The following TSPYL5 variants were observed in gnomAD, a reference collection of about 807,000 sequenced individuals.
TSPYL5 encodes the protein TSPY like 5.
For missense variants in TSPYL5, 556 were observed against 555.5 expected, an observed-to-expected ratio of 1.00 and a Z score of -0.01; for synonymous variants, 276 against 236.1, an observed-to-expected ratio of 1.17 and a Z score of -1.55.
Position 97,277,223 on chromosome 8 carries a change from C to G in TSPYL5, c.622G>C (p.Val208Leu), listed in dbSNP as rs1810537525. 2 of 1,613,514 alleles carry G rather than the reference C, an allele frequency of 1.2e-6. No individual in the cohort carries two copies. The highest frequency in any genetic ancestry group is 1.3e-5 in the African/African-American group (1 of 74,906). Residue 208 changes from valine (V) to leucine (L), a missense_variant, in exon 1 of 1, where the codon GTG becomes CTG. Physicochemically the swap from Val to Leu is conservative, Grantham distance 32 (BLOSUM62 1). Transcript: ENST00000322128. This position sits in a 1 kb window ranked among gnomAD's most constrained non-coding sequence, Gnocchi z 4.5. ...TTCATGTTCTCCAGCTTCAGCTGCA[C>G]GTTCTCCAGCGTATCCATGCTGCCT... ...TEGSMDTLENVQLKLENMNAQ... is the reference protein window; with the variant it reads ...TEGSMDTLENLQLKLENMNAQ...
Position 97,275,457 on chromosome 8 carries a change from G to C in TSPYL5, c.*1134C>G, listed in dbSNP as rs1215153078. On this transcript the variant is annotated 3_prime_UTR_variant, in exon 1 of 1. Coordinates refer to ENST00000322128, the MANE Select transcript of TSPYL5 (RefSeq NM_033512.3). ...GAAGAATGAGAGGGAGGAAATGAGG[G>C]ATGAAGGCAGGCAAGCAAAATAAGA... 1 of 152,144 alleles carries C rather than the reference G, an allele frequency of 6.6e-6. No homozygotes were observed. The highest frequency in any genetic ancestry group is 1.5e-5 in the Non-Finnish European group (1 of 68,036). The allele number at this position is 152,144 out of a possible 1,614,324, so 9.4% of individuals were successfully genotyped here.
At position 97,273,583 on chromosome 8, in the gene TSPYL5, G is replaced by A. The variant is rs1810463595; in HGVS notation, c.*3008C>T. 6.6e-6 allele frequency: 1 copy of A among 152,478 alleles called. No individual in the cohort carries two copies. The highest frequency in any genetic ancestry group is 2.4e-5 in the African/African-American group (1 of 41,384). 9.4% of individuals were successfully genotyped at this position (152,478 alleles called of 1,614,324 possible). ...ACAGAAATAATTGCGTTATTAACAG[G>A]GTGTCAAATTACCAAGTAGAACAAC... On this transcript the variant is annotated 3_prime_UTR_variant, in exon 1 of 1. Coordinates refer to ENST00000322128, the MANE Select transcript of TSPYL5 (RefSeq NM_033512.3).
Position 97,277,176 on chromosome 8 carries a change from G to A in TSPYL5, c.669C>T (p.Tyr223=), listed in dbSNP as rs760876149. Residue 223 remains tyrosine (Y), a synonymous_variant, in exon 1 of 1, where the codon TAC becomes TAT. Coordinates refer to ENST00000322128, the MANE Select transcript of TSPYL5 (RefSeq NM_033512.3). The surrounding 1 kb of genome is among the most constrained non-coding windows in gnomAD (Gnocchi z 4.5). ...ENMNAQADRA[Y]LRLSRKFGQL... is the part of the protein sequence containing the mutation. ...GCCCAAACTTCCTGGAGAGCCGAAG[G>A]TAGGCCCTGTCCGCCTGGGCGTTCA... The A allele has an allele frequency of 3.1e-6, 5 of 1,611,982 alleles. No individual in the cohort carries two copies. In the African/African-American group the frequency reaches 5.3e-5, roughly 17 times the overall value.
In TSPYL5 at chr8:97,277,814, A is replaced by G. The variant is rs1810558785; in HGVS notation, c.31T>C (p.Ser11Pro). 1 of 1,471,326 alleles carries G rather than the reference A, an allele frequency of 6.8e-7. No individual in the cohort carries two copies. Among genetic ancestry groups the G allele is most frequent in the Non-Finnish European group, 9.0e-7 (1 of 1,115,706 alleles). The allele number at this position is 1,471,326 out of a possible 1,614,324, so 91.1% of individuals were successfully genotyped here. A position where few individuals can be genotyped will look rare whatever the true frequency, so the allele number is the denominator to read the frequency against. Reference sequence around the variant, plus strand: ...CCTTTGCCCCGGTTTTTGGCGCGGGAGGACTTTCGACCCCGACTTCGGCCG... The same window carrying G: ...CCTTTGCCCCGGTTTTTGGCGCGGGGGGACTTTCGACCCCGACTTCGGCCG... MSGRSRGRKS[S>P]RAKNRGKGRA... The change falls in exon 1 of 1, where the codon TCC becomes CCC. Residue 11 changes from serine (S) to proline (P), a missense_variant. By Grantham distance (74) the Ser-to-Pro change is moderately conservative. Coordinates refer to ENST00000322128, the MANE Select transcript of TSPYL5 (RefSeq NM_033512.3). This position sits in a 1 kb window ranked among gnomAD's most constrained non-coding sequence, Gnocchi z 4.5.
In TSPYL5 at chr8:97,273,716, C is replaced by A. The variant is rs2130733521; in HGVS notation, c.*2875G>T. 6.5e-6 allele frequency: 1 copy of A among 152,690 alleles called. No homozygotes were observed. Among genetic ancestry groups the A allele is most frequent in the Admixed American group, 6.5e-5 (1 of 15,300 alleles). 9.5% of individuals were successfully genotyped at this position (152,690 alleles called of 1,614,324 possible). A position where few individuals can be genotyped will look rare whatever the true frequency, so the allele number is the denominator to read the frequency against. The stretch of plus-strand genomic sequence containing the variant: ...AGACCAGTACAAGCTGATAACAATG[C>A]TAATGGTCACACAAGTTTCCATGTT... On this transcript the variant is annotated 3_prime_UTR_variant, in exon 1 of 1. Coordinates refer to ENST00000322128, the MANE Select transcript of TSPYL5 (RefSeq NM_033512.3).
In TSPYL5 at chr8:97,276,526, G is replaced by A. The variant is rs1810518099; in HGVS notation, c.*65C>T. ...CAGAGGCCAACATGAAGAGAAGGCAGAGAGCCAAATATGTAGTCAACCAGG... is the reference window on the plus strand; with the variant it reads ...CAGAGGCCAACATGAAGAGAAGGCAAAGAGCCAAATATGTAGTCAACCAGG... On this transcript the variant is annotated 3_prime_UTR_variant, in exon 1 of 1. Coordinates refer to ENST00000322128, the MANE Select transcript of TSPYL5 (RefSeq NM_033512.3). 1.9e-6 allele frequency: 3 copies of A among 1,550,904 alleles called. No individual in the cohort carries two copies. The highest frequency in any genetic ancestry group is 2.0e-5 in the Admixed American group (1 of 50,782).
In TSPYL5 at chr8:97,275,973, T is replaced by C. The variant is rs1810506257; in HGVS notation, c.*618A>G. ...ATACTGTTTCTTGCCCTTAACTTCATGCATGCCCAGCAGTCAAGTGCCATT... is the reference window on the plus strand; with the variant it reads ...ATACTGTTTCTTGCCCTTAACTTCACGCATGCCCAGCAGTCAAGTGCCATT... On this transcript the variant is annotated 3_prime_UTR_variant, in exon 1 of 1. Transcript: ENST00000322128. 1 of 153,118 alleles carries C rather than the reference T, an allele frequency of 6.5e-6. No individual in the cohort carries two copies. Among genetic ancestry groups the C allele is most frequent in the Admixed American group, 6.5e-5 (1 of 15,364 alleles). The allele number at this position is 153,118 out of a possible 1,614,324, so 9.5% of individuals were successfully genotyped here. A position where few individuals can be genotyped will look rare whatever the true frequency, so the allele number is the denominator to read the frequency against.
Position 97,274,338 on chromosome 8 carries a change from ATTC to A in TSPYL5, c.*2250_*2252del, listed in dbSNP as rs1219748581. On this transcript the variant is annotated 3_prime_UTR_variant, in exon 1 of 1. Coordinates refer to ENST00000322128, the MANE Select transcript of TSPYL5 (RefSeq NM_033512.3). ...AAAGGCAAAATGTGCAGCATATAGC[ATTC>A]TTCTGCATGTACAAAGCCACACCTA... 6.6e-6 allele frequency: 1 copy of A among 152,238 alleles called. No homozygotes were observed. The highest frequency in any genetic ancestry group is 1.9e-4 in the East Asian group (1 of 5,202). 9.4% of individuals were successfully genotyped at this position (152,238 alleles called of 1,614,324 possible).
chr8:97,276,653 T>C lies in TSPYL5; in HGVS notation c.1192A>G (p.Arg398Gly). 2 of 1,614,232 alleles carry C rather than the reference T, an allele frequency of 1.2e-6. No individual in the cohort carries two copies. The highest frequency in any genetic ancestry group is 1.7e-6 in the Non-Finnish European group (2 of 1,180,034). Residue 398 changes from arginine (R) to glycine (G), a missense_variant, in exon 1 of 1, where the codon AGG becomes GGG. Arg to Gly is a moderately radical substitution (Grantham distance 125). Coordinates refer to ENST00000322128, the MANE Select transcript of TSPYL5 (RefSeq NM_033512.3). ...ATTGGCTGCTTTCCTGGACCTTGCC[T>C]GCCTTCTTTTTCCTTTCCTTTCTCT... The part of the protein sequence containing the change: ...RVEKGKEKEG[R>G]QGPGKQPMET...
rs1323086893 is a variant in TSPYL5, at chr8:97,276,478, A to C, written c.*113T>G. On this transcript the variant is annotated 3_prime_UTR_variant, in exon 1 of 1. Transcript: ENST00000322128. ...CATAAATGCCATATTCTTGTAACTA[A>C]AGTCCAAAGGGTCTATAGTACACAG... 11 of 1,314,524 alleles carry C rather than the reference A, an allele frequency of 8.4e-6. No homozygotes were observed. The highest frequency in any genetic ancestry group is 1.5e-5 in the African/African-American group (1 of 67,598). The allele number at this position is 1,314,524 out of a possible 1,614,324, so 81.4% of individuals were successfully genotyped here.
chr8:97,273,938 CATTA>C lies in TSPYL5; in HGVS notation c.*2649_*2652del, dbSNP rs1201569956. 1 of 152,190 alleles carries C rather than the reference CATTA, an allele frequency of 6.6e-6. No homozygotes were observed. Among genetic ancestry groups the C allele is most frequent in the Non-Finnish European group, 1.5e-5 (1 of 68,020 alleles). The allele number at this position is 152,190 out of a possible 1,614,324, so 9.4% of individuals were successfully genotyped here. On this transcript the variant is annotated 3_prime_UTR_variant, in exon 1 of 1. Transcript: ENST00000322128. Reference sequence around the variant, plus strand: ...TTTCTAAGGCCCATCTCTGGAACTTCATTAGTTAACATTAAAAGCAAAAAGCAGA... The same window carrying C: ...TTTCTAAGGCCCATCTCTGGAACTTCGTTAACATTAAAAGCAAAAAGCAGA...
At position 97,274,303 on chromosome 8, in the gene TSPYL5, G is replaced by GTA. The variant is rs1810477052; in HGVS notation, c.*2286_*2287dup. On this transcript the variant is annotated 3_prime_UTR_variant, in exon 1 of 1. Transcript: ENST00000322128. ...CCATTAGACTAAAATGGGGAAAGTCGTAAGACTTTAAAGGCAAAATGTGCA... is the reference window on the plus strand; with the variant it reads ...CCATTAGACTAAAATGGGGAAAGTCGTATAAGACTTTAAAGGCAAAATGTGCA... 6.6e-6 allele frequency: 1 copy of GTA among 151,908 alleles called. No individual in the cohort carries two copies. The highest frequency in any genetic ancestry group is 2.4e-5 in the African/African-American group (1 of 41,354). The allele number at this position is 151,908 out of a possible 1,614,324, so 9.4% of individuals were successfully genotyped here.
Position 97,273,839 on chromosome 8 carries a change from G to A in TSPYL5, c.*2752C>T, listed in dbSNP as rs1292647652. 6.6e-6 allele frequency: 1 copy of A among 152,164 alleles called. No homozygotes were observed. Among genetic ancestry groups the A allele is most frequent in the East Asian group, 1.9e-4 (1 of 5,198 alleles). 9.4% of individuals were successfully genotyped at this position (152,164 alleles called of 1,614,324 possible). ...TTTACAACAGAACAGTCTCTCTCTTGTTTTGTAGATGCAAGGGAAAGGAAG... is the reference window on the plus strand; with the variant it reads ...TTTACAACAGAACAGTCTCTCTCTTATTTTGTAGATGCAAGGGAAAGGAAG... On this transcript the variant is annotated 3_prime_UTR_variant, in exon 1 of 1. Transcript: ENST00000322128.
chr8:97,277,575 C>A lies in TSPYL5; in HGVS notation c.270G>T (p.Arg90=). 1.4e-6 allele frequency: 2 copies of A among 1,463,188 alleles called. No homozygotes were observed. Among genetic ancestry groups the A allele is most frequent in the East Asian group, 5.2e-5 (2 of 38,240 alleles). 90.6% of individuals were successfully genotyped at this position (1,463,188 alleles called of 1,614,324 possible). Residue 90 remains arginine (R), a synonymous_variant, in exon 1 of 1, where the codon CGG becomes CGT. Transcript: ENST00000322128. The surrounding 1 kb of genome is among the most constrained non-coding windows in gnomAD (Gnocchi z 4.5). ...RLPLDCGLAL[R]ARAAGDHGQA... is the part of the protein sequence containing the mutation. ...GCCCGTGGTCCCCCGCAGCTCGGGCCCGCAGCGCGAGGCCACAGTCCAGGG... is the reference window on the plus strand; with the variant it reads ...GCCCGTGGTCCCCCGCAGCTCGGGCACGCAGCGCGAGGCCACAGTCCAGGG...
Position 97,277,770 on chromosome 8 carries a change from G to C in TSPYL5, c.75C>G (p.Val25=). The change falls in exon 1 of 1, where the codon GTC becomes GTG. Residue 25 remains valine (V), a synonymous_variant. Coordinates refer to ENST00000322128, the MANE Select transcript of TSPYL5 (RefSeq NM_033512.3). The surrounding 1 kb of genome is among the most constrained non-coding windows in gnomAD (Gnocchi z 4.5). ...NRGKGRAKAR[V]RPAPDDAPRD... ...GCGGGGCGTCGTCCGGAGCAGGGCG[G>C]ACTCGGGCTTTGGCGCGGCCTTTGC... is the stretch of plus-strand genomic sequence containing the variant. 6.6e-7 allele frequency: 1 copy of C among 1,524,584 alleles called. No homozygotes were observed. Among genetic ancestry groups the C allele is most frequent in the Non-Finnish European group, 8.8e-7 (1 of 1,140,804 alleles). 94.4% of individuals were successfully genotyped at this position (1,524,584 alleles called of 1,614,324 possible).
chr8:97,277,635 G>A lies in TSPYL5; in HGVS notation c.210C>T (p.Leu70=), dbSNP rs746850171. Residue 70 remains leucine (L), a synonymous_variant, in exon 1 of 1, where the codon CTC becomes CTT. Coordinates refer to ENST00000322128, the MANE Select transcript of TSPYL5 (RefSeq NM_033512.3). This position sits in a 1 kb window ranked among gnomAD's most constrained non-coding sequence, Gnocchi z 4.5. ...AGGCGGCCTCCTCCCCGAGCCGGAG[G>A]AGCTGCGCGGACGCAGCGGCTTCCA... ...GGLEAAASAQ[L]LRLGEEAACR... 6.9e-6 allele frequency: 10 copies of A among 1,452,196 alleles called. No homozygotes were observed. In the African/African-American group the frequency reaches 1.3e-4, roughly 19 times the overall value. 90.0% of individuals were successfully genotyped at this position (1,452,196 alleles called of 1,614,324 possible).
Position 97,277,833 on chromosome 8 carries a change from T to C in TSPYL5, c.12A>G (p.Arg4=), listed in dbSNP as rs1382159025. 6.9e-7 allele frequency: 1 copy of C among 1,449,270 alleles called. No homozygotes were observed. Among genetic ancestry groups the C allele is most frequent in the African/African-American group, 1.5e-5 (1 of 67,818 alleles). 89.8% of individuals were successfully genotyped at this position (1,449,270 alleles called of 1,614,324 possible). The change falls in exon 1 of 1, where the codon CGA becomes CGG. Residue 4 remains arginine (R), a synonymous_variant. Coordinates refer to ENST00000322128, the MANE Select transcript of TSPYL5 (RefSeq NM_033512.3). This position sits in a 1 kb window ranked among gnomAD's most constrained non-coding sequence, Gnocchi z 4.5. The stretch of plus-strand genomic sequence containing the variant: ...CGCGGGAGGACTTTCGACCCCGACT[T>C]CGGCCGCTCATGGTGGCGGCGGAGG... MSG[R]SRGRKSSRAK... is the part of the protein sequence containing the mutation.
At position 97,277,623 on chromosome 8, in the gene TSPYL5, C is replaced by A. The variant is rs757299571; in HGVS notation, c.222G>T (p.Gly74=). Residue 74 remains glycine (G), a synonymous_variant, in exon 1 of 1, where the codon GGG becomes GGT. Transcript: ENST00000322128. The surrounding 1 kb of genome is among the most constrained non-coding windows in gnomAD (Gnocchi z 4.5). The part of the protein sequence containing the change: ...AAASAQLLRL[G]EEAACRLPLD... ...GGGGGAGCCGGCAGGCGGCCTCCTC[C>A]CCGAGCCGGAGGAGCTGCGCGGACG... 22 of 1,440,242 alleles carry A rather than the reference C, an allele frequency of 1.5e-5. No homozygotes were observed. The highest frequency in any genetic ancestry group is 3.6e-4 in the Middle Eastern group (2 of 5,526). 89.2% of individuals were successfully genotyped at this position (1,440,242 alleles called of 1,614,324 possible). A position where few individuals can be genotyped will look rare whatever the true frequency, so the allele number is the denominator to read the frequency against.
At position 97,277,099 on chromosome 8, in the gene TSPYL5, G is replaced by A; in HGVS notation, c.746C>T (p.Pro249Leu). The change falls in exon 1 of 1, where the codon CCG becomes CTG. Residue 249 changes from proline (P) to leucine (L), a missense_variant. Pro to Leu is a moderately conservative substitution (Grantham distance 98). Coordinates refer to ENST00000322128, the MANE Select transcript of TSPYL5 (RefSeq NM_033512.3). This position sits in a 1 kb window ranked among gnomAD's most constrained non-coding sequence, Gnocchi z 4.5. ...ERRNHLIQNIPGFWGQAFQNH... is the reference protein window; with the variant it reads ...ERRNHLIQNILGFWGQAFQNH... ...CTGAAATGCTTGCCCCCAGAAGCCC[G>A]GGATATTTTGGATGAGGTGGTTCCT... 3 of 1,611,966 alleles carry A rather than the reference G, an allele frequency of 1.9e-6. No homozygotes were observed. The highest frequency in any genetic ancestry group is 1.7e-6 in the Non-Finnish European group (2 of 1,180,016).
Sources: gnomAD v4.1 joint callset for allele counts on GRCh38, gnomAD v4.1.1 for gene constraint, Gnocchi (gnomAD v3.1) non-coding constraint, MANE v1.5 for transcripts, NCBI Gene and HGNC (gene_info 2026-07-23, HGNC 2026-07-21) for gene names.